Variants in PITPNC1 observed in about 807,000 individuals in gnomAD.
PITPNC1 encodes the protein cytoplasmic phosphatidylinositol transfer protein 1.
A neutral mutation model predicts 44.7 loss-of-function variants in PITPNC1; 18 were observed. The ratio of observed to expected loss-of-function variants is 0.40; its 90% CI spans 0.28 to 0.60. The LOEUF (loss-of-function observed/expected upper bound fraction) is 0.60, where lower values mean the gene tolerates loss of function less well. PITPNC1 is among the 20% of genes least tolerant of loss of function. PITPNC1 has a pLI of 0.39. For missense variants in PITPNC1, 290 were observed against 418.4 expected, an observed-to-expected ratio of 0.69 and a Z score of 2.68; for synonymous variants, 141 against 149.6, an observed-to-expected ratio of 0.94 and a Z score of 0.42.
chr17:67,472,203 T>C (rs1283255190), intron 1 of PITPNC1, among the ~76,000 whole-genome samples: 1 of 151,888 alleles, frequency 6.6e-6, no homozygotes, highest in Non-Finnish European at 1.5e-5. Flanking sequence ...CACCGTAAGC[T>C]GCTAATTTCC....
chr17:67,651,284 G>C (rs567285539), intron 6 of PITPNC1, among the ~76,000 whole-genome samples: 32 of 152,214 alleles, frequency 2.1e-4, no homozygotes, highest in Non-Finnish European at 3.8e-4. Context: ...AGGCCAAGGC[G>C]GGTGGATCAC....
At chr17:67,679,119 C>T (rs2042656263) in intron 8 of PITPNC1, among the ~76,000 whole-genome samples, 1 of 152,204 alleles carries the variant, frequency 6.6e-6, no homozygotes, top group African/African-American at 2.4e-5. Context: ...ATAGCATGGG[C>T]TATAAACCAG....
At chr17:67,669,793 C>T (rs1567769649) in intron 7 of PITPNC1, 130 bp downstream of exon 7, 4 of 652,166 alleles carry the variant, frequency 6.1e-6, no homozygotes, top group South Asian at 4.0e-5. Context: ...CTTTTTGGGC[C>T]GGTTGGGGTG....
intron 7 of PITPNC1, 55 bp from the exon 8 acceptor site, chr17:67,675,424 C>A: frequency 8.4e-7 from 1 of 1,187,914 alleles, no homozygotes; most frequent in Non-Finnish European, 1.3e-6. Flanking sequence ...ACTTGTCTTC[C>A]AGATAGTTTT....
At chr17:67,688,092 A>G (rs1027036821) in intron 8 of PITPNC1, among the ~76,000 whole-genome samples, 2 of 150,804 alleles carry the variant, frequency 1.3e-5, no homozygotes, top group Non-Finnish European at 3.0e-5. Context: ...TAAGCCCAGC[A>G]CTTTGGGAGG....
intron 1 of PITPNC1, among the ~76,000 whole-genome samples, chr17:67,399,254 C>A (rs1598615934): frequency 6.6e-6 from 1 of 152,188 alleles, no homozygotes; most frequent in East Asian, 1.9e-4. Context: ...ACCTTGTGAT[C>A]TGCTCACCTC....
Position 67,492,055 on chromosome 17 carries a change from GTA to G in PITPNC1, c.49-40743_49-40742del, listed in dbSNP as rs1387966290. ...CAAGATGCCTTATGGTGAATAACAAGTATATTTCTGAGAAGTTGTAAACTAAC... is the reference window on the plus strand; with the variant it reads ...CAAGATGCCTTATGGTGAATAACAAGTATTTCTGAGAAGTTGTAAACTAAC... On this transcript the variant is annotated intron_variant, in intron 1 of 8. Coordinates refer to ENST00000581322, the MANE Select transcript of PITPNC1 (RefSeq NM_012417.4). Among the ~76,000 whole-genome samples the G allele has an allele frequency of 3.4e-5, 5 of 149,000 alleles. No homozygotes were observed. The East Asian group carries it at 7.8e-4, about 23-fold the overall frequency.
At chr17:67,548,574 G>A (rs1410456230) in intron 2 of PITPNC1, among the ~76,000 whole-genome samples, 1 of 152,164 alleles carries the variant, frequency 6.6e-6, no homozygotes, top group African/African-American at 2.4e-5. Context: ...CTGGGCGACA[G>A]AGCAAGCCTC....
intron 1 of PITPNC1, among the ~76,000 whole-genome samples, chr17:67,483,090 G>A (rs1309333696): frequency 6.6e-6 from 1 of 152,160 alleles, no homozygotes; most frequent in Non-Finnish European, 1.5e-5. Context: ...CAGGAGTGAT[G>A]AATTTAGCCT....
intron 6 of PITPNC1, among the ~76,000 whole-genome samples, chr17:67,634,694 G>A (rs1032710443): frequency 3.3e-5 from 5 of 152,136 alleles, no homozygotes; most frequent in East Asian, 1.9e-4. Flanking sequence ...AGGCAGGTAC[G>A]GGGAGAGACT....
Position 67,451,629 on chromosome 17 carries a change from CTT to C in PITPNC1, c.48+73438_48+73439del, listed in dbSNP as rs1357367616. Among the ~76,000 whole-genome samples the C allele has an allele frequency of 1.3e-3, 193 of 143,446 alleles. 1 individual carries two copies. Among genetic ancestry groups the C allele is most frequent in the African/African-American group, 4.7e-3 (182 of 39,108 alleles). The allele number at this position is 143,446 out of a possible 152,430, so 94.1% of individuals were successfully genotyped here. A position where few individuals can be genotyped will look rare whatever the true frequency, so the allele number is the denominator to read the frequency against. ...CAACATGTAGTCCTTTGAGACTGAC[CTT>C]TTTTTTTTTTGTTTTGTTTTTTTTT... On this transcript the variant is annotated intron_variant, in intron 1 of 8. Coordinates refer to ENST00000581322, the MANE Select transcript of PITPNC1 (RefSeq NM_012417.4).
intron 1 of PITPNC1, among the ~76,000 whole-genome samples, chr17:67,379,983 C>T (rs568761241): frequency 3.0e-4 from 45 of 152,170 alleles, no homozygotes; most frequent in African/African-American, 1.1e-3. Context: ...GTTTTTGTAC[C>T]GAAATACCCA....
intron 1 of PITPNC1, among the ~76,000 whole-genome samples, chr17:67,503,696 G>A (rs1233727083): frequency 6.6e-6 from 1 of 152,158 alleles, no homozygotes; most frequent in Non-Finnish European, 1.5e-5. Flanking sequence ...GAGAGGGGAA[G>A]TGTGGATGAT....
At chr17:67,405,554 G>A (rs753969012) in intron 1 of PITPNC1, among the ~76,000 whole-genome samples, 89 of 151,620 alleles carry the variant, frequency 5.9e-4, no homozygotes, top group African/African-American at 2.0e-3. Flanking sequence ...TCTATCGTCC[G>A]TTTAATAAGT....
chr17:67,442,905 G>A (rs575237452), intron 1 of PITPNC1, among the ~76,000 whole-genome samples: 1 of 151,998 alleles, frequency 6.6e-6, no homozygotes, highest in South Asian at 2.1e-4. Context: ...TATTGCTGAG[G>A]TTTGAGGCAC....
In PITPNC1 at chr17:67,685,720, G is replaced by T. The variant is rs570526654; in HGVS notation, c.683-6852G>T. On this transcript the variant is annotated intron_variant, in intron 8 of 8. Transcript: ENST00000581322. ...AAAATGTAAAATAACCAAGGAGCCG[G>T]GTAGGGGTGGGGGTAAAATGACAGA... Among the ~76,000 whole-genome samples, 10 of 152,292 alleles carry T rather than the reference G, an allele frequency of 6.6e-5. No homozygotes were observed. In the East Asian group the frequency reaches 1.9e-3, roughly 29 times the overall value.
intron 1 of PITPNC1, among the ~76,000 whole-genome samples, chr17:67,521,632 G>A (rs114509573): frequency 6.6e-6 from 1 of 151,906 alleles, no homozygotes; most frequent in South Asian, 2.1e-4. Flanking sequence ...TGAATCACAG[G>A]GCCTGGAAGA....
In PITPNC1 at chr17:67,478,890, T is replaced by G. The variant is rs1013875217; in HGVS notation, c.49-53912T>G. Among the ~76,000 whole-genome samples, 9 of 151,608 alleles carry G rather than the reference T, an allele frequency of 5.9e-5. No individual in the cohort carries two copies. In the East Asian group the frequency reaches 7.7e-4, roughly 13 times the overall value. On this transcript the variant is annotated intron_variant, in intron 1 of 8. Transcript: ENST00000581322. ...GAGCCTGCGACTTTCTTCAATCTTTTTTTTTTTTTAATATATATATATTTC... is the reference window on the plus strand; with the variant it reads ...GAGCCTGCGACTTTCTTCAATCTTTGTTTTTTTTTAATATATATATATTTC...
Position 67,477,320 on chromosome 17 carries a change from C to T in PITPNC1, c.49-55482C>T, listed in dbSNP as rs1335430997. Among the ~76,000 whole-genome samples, 4 of 149,340 alleles carry T rather than the reference C, an allele frequency of 2.7e-5. No homozygotes were observed. In the East Asian group the frequency reaches 8.0e-4, roughly 30 times the overall value. Reference sequence around the variant, plus strand: ...GGAGTGCAATGGCACAGTCTTCACTCACTGCAACCTCTGCCTCCCGGGTTC... The same window carrying T: ...GGAGTGCAATGGCACAGTCTTCACTTACTGCAACCTCTGCCTCCCGGGTTC... On this transcript the variant is annotated intron_variant, in intron 1 of 8. Coordinates refer to ENST00000581322, the MANE Select transcript of PITPNC1 (RefSeq NM_012417.4).
Sources: gnomAD v4.1 joint callset for allele counts (sites outside exome capture counted in the v4.1 genomes callset) on GRCh38, gnomAD v4.1.1 for gene constraint, MANE v1.5 for transcripts, NCBI Gene and HGNC (gene_info 2026-07-23, HGNC 2026-07-21) for gene names.